The following PRDM15 variants were observed in gnomAD, a reference collection of about 807,000 sequenced individuals.
PRDM15 encodes the protein PR domain zinc finger protein 15.
A neutral mutation model predicts 128.6 loss-of-function variants in PRDM15; 64 were observed. The observed-to-expected ratio is 0.50, with a 90% confidence interval of 0.41 to 0.61. The LOEUF (loss-of-function observed/expected upper bound fraction) is 0.61, where lower values mean the gene tolerates loss of function less well. Among genes scored for constraint, PRDM15 ranks in the 20% least tolerant of loss-of-function variants. PRDM15 has a pLI of 0.00. For missense variants in PRDM15, 1,242 were observed against 1,569.1 expected (o/e 0.79, Z 3.52); for synonymous variants, 615 against 621.8 (o/e 0.99, Z 0.16).
chr21:41,839,398 A>G (rs1275468810), intron 7 of PRDM15, among the ~76,000 whole-genome samples: 1 of 152,244 alleles, frequency 6.6e-6, no homozygotes, highest in African/African-American at 2.4e-5. Context: ...TCCATTTGTC[A>G]AAATTCACAC....
rs1349718881 is a variant in PRDM15 at position 41,879,058 on chromosome 21, G to C, written c.-10+212C>G. On this transcript the variant is annotated intron_variant, in intron 1 of 23. Coordinates refer to ENST00000398548, the MANE Select transcript of PRDM15 (RefSeq NM_001040424.3). The surrounding 1 kb of genome is among the most constrained non-coding windows in gnomAD (Gnocchi z 5.1). ...GCTCCGGGAAATCCAGCCGGGTTTT[G>C]ACTCCGATCGCCAACGGTGCCCGCA... 9 of 1,133,610 alleles carry C rather than the reference G, an allele frequency of 7.9e-6. No individual in the cohort carries two copies. Among genetic ancestry groups the C allele is most frequent in the Non-Finnish European group, 8.9e-6 (8 of 899,046 alleles). The allele number at this position is 1,133,610 out of a possible 1,614,324, so 70.2% of individuals were successfully genotyped here.
chr21:41,835,649 C>G, intron 10 of PRDM15, 125 bp from the exon 11 acceptor site: 1 of 697,780 alleles, frequency 1.4e-6, no homozygotes, highest in Non-Finnish European at 2.5e-6. Context: ...CCACCACCCT[C>G]CCGCTCTATT....
At chr21:41,822,260 G>A (rs554455790) in intron 14 of PRDM15, among the ~76,000 whole-genome samples, 158 of 152,336 alleles carry the variant, frequency 1.0e-3, no homozygotes, top group Non-Finnish European at 2.0e-3. Flanking sequence ...CACGCCGCCC[G>A]CGGCTTCCTC....
At chr21:41,836,442 G>GC in intron 9 of PRDM15, 26 bp downstream of exon 9, 1 of 1,596,914 alleles carries the variant, frequency 6.3e-7, no homozygotes, top group African/African-American at 1.3e-5. Flanking sequence ...CTGGCCCCGG[G>GC]CGCCAGCCGG....
chr21:41,806,037 C>CATT (rs2061569244), intron 21 of PRDM15, among the ~76,000 whole-genome samples: 1 of 125,202 alleles, frequency 8.0e-6, no homozygotes, highest in Non-Finnish European at 1.7e-5. Flanking sequence ...CCACCATCAC[C>CATT]ACCACCATCA....
Position 41,811,373 on chromosome 21 carries a change from C to T in PRDM15, c.2393-537G>A, listed in dbSNP as rs2146281257. The T allele has an allele frequency of 6.4e-6, 1 of 155,358 alleles. No homozygotes were observed. The highest frequency in any genetic ancestry group is 1.4e-5 in the Non-Finnish European group (1 of 69,898). The allele number at this position is 155,358 out of a possible 1,614,324, so 9.6% of individuals were successfully genotyped here. A position where few individuals can be genotyped will look rare whatever the true frequency, so the allele number is the denominator to read the frequency against. ...TGATGCCAGGCACGGTGGCTCATGCCTGTGATCCCAGCACTTTGGGAGGCC... is the reference window on the plus strand; with the variant it reads ...TGATGCCAGGCACGGTGGCTCATGCTTGTGATCCCAGCACTTTGGGAGGCC... On this transcript the variant is annotated intron_variant, in intron 19 of 23. Transcript: ENST00000398548. The surrounding 1 kb of genome is among the most constrained non-coding windows in gnomAD (Gnocchi z 4.1).
chr21:41,873,300 T>G (rs184970056), intron 1 of PRDM15, among the ~76,000 whole-genome samples: 3 of 152,318 alleles, frequency 2.0e-5, no homozygotes, highest in Admixed American at 2.0e-4. Flanking sequence ...GTATATCTTG[T>G]GGGAGGATTT....
intron 21 of PRDM15, among the ~76,000 whole-genome samples, chr21:41,805,727 C>A (rs921447647): frequency 4.6e-5 from 7 of 151,794 alleles, no homozygotes; most frequent in African/African-American, 1.7e-4. Context: ...CCATAAGCAC[C>A]ACCACCACCA....
At chr21:41,804,487 C>T (rs1445197513) in intron 22 of PRDM15, 47 bp downstream of exon 22, 2 of 1,429,000 alleles carry the variant, frequency 1.4e-6, no homozygotes, top group African/African-American at 2.8e-5. Context: ...CTGCAGGTGT[C>T]CACTTACCCC....
intron 12 of PRDM15, 72 bp from the exon 13 acceptor site, chr21:41,826,126 T>A: frequency 7.9e-7 from 1 of 1,262,044 alleles, no homozygotes; most frequent in Non-Finnish European, 1.2e-6. Context: ...AGATTCCACT[T>A]CAGCCAGCAT....
At chr21:41,856,080 TTCCCTCCCTCCCCTCCCTCCC>T in intron 4 of PRDM15, among the ~76,000 whole-genome samples, 1 of 13,236 alleles carries the variant, frequency 7.6e-5, no homozygotes, top group Non-Finnish European at 1.3e-4. Context: ...CCTCCCTTCC[TTCCCTCCCTCCCCTCCCTCCC>T]TTCCTTTCCT....
At chr21:41,873,661 C>T (rs1325232439) in intron 1 of PRDM15, among the ~76,000 whole-genome samples, 1 of 152,166 alleles carries the variant, frequency 6.6e-6, no homozygotes, top group Non-Finnish European at 1.5e-5. Flanking sequence ...TTCTGAACCT[C>T]TTAGTTTCAT....
Position 41,879,182 on chromosome 21 carries a change from G to T in PRDM15, c.-10+88C>A. 1.2e-6 allele frequency: 1 copy of T among 833,472 alleles called. No homozygotes were observed. The highest frequency in any genetic ancestry group is 1.4e-6 in the Non-Finnish European group (1 of 692,388). 51.6% of individuals were successfully genotyped at this position (833,472 alleles called of 1,614,324 possible). On this transcript the variant is annotated intron_variant, in intron 1 of 23. Coordinates refer to ENST00000398548, the MANE Select transcript of PRDM15 (RefSeq NM_001040424.3). The surrounding 1 kb of genome is among the most constrained non-coding windows in gnomAD (Gnocchi z 5.1). ...GCGGGGGGCAGCGGGCCCAGGGCGC[G>T]CCGGGGCTCGCGGGGGCAGCGGGTG...
intron 13 of PRDM15, among the ~76,000 whole-genome samples, chr21:41,824,837 A>C (rs556004142): frequency 9.8e-4 from 150 of 152,366 alleles, no homozygotes; most frequent in African/African-American, 3.6e-3. Context: ...ATTTCATATA[A>C]ACACTGAGAT....
At position 41,833,302 on chromosome 21, in the gene PRDM15, T is replaced by C. The variant is rs186088449; in HGVS notation, c.1366+2135A>G. Among the ~76,000 whole-genome samples the C allele has an allele frequency of 2.5e-3, 378 of 152,164 alleles. 1 individual carries two copies. Among genetic ancestry groups the C allele is most frequent in the Middle Eastern group, 6.8e-3 (2 of 294 alleles). Reference sequence around the variant, plus strand: ...GGAGCTTCAGAAAAACCCACAAGACTGTAACATTTTAAAACTGCCCCCCAC... The same window carrying C: ...GGAGCTTCAGAAAAACCCACAAGACCGTAACATTTTAAAACTGCCCCCCAC... On this transcript the variant is annotated intron_variant, in intron 11 of 23. Transcript: ENST00000398548.
intron 10 of PRDM15, 43 bp downstream of exon 10, chr21:41,836,070 T>G: frequency 7.2e-7 from 1 of 1,383,574 alleles, no homozygotes; most frequent in Non-Finnish European, 1.0e-6. Context: ...GTCTGTGTTG[T>G]CCACACAACT....
At chr21:41,837,311 C>A (rs1262862857) in intron 8 of PRDM15, among the ~76,000 whole-genome samples, 3 of 152,226 alleles carry the variant, frequency 2.0e-5, no homozygotes, top group Non-Finnish European at 4.4e-5. Context: ...AGCAACCCAA[C>A]TGTCCATCAA....
chr21:41,862,081 G>T lies in PRDM15; in HGVS notation c.-9-1709C>A. 1.8e-6 allele frequency: 2 copies of T among 1,085,258 alleles called. No homozygotes were observed. Among genetic ancestry groups the T allele is most frequent in the South Asian group, 1.3e-5 (1 of 76,286 alleles). The allele number at this position is 1,085,258 out of a possible 1,614,324, so 67.2% of individuals were successfully genotyped here. ...CTCAGCTGGGCAGTGAGCAGGAGAT[G>T]AACAGGACAAAGGGCAGAAGAAACC... is the stretch of plus-strand genomic sequence containing the variant. On this transcript the variant is annotated intron_variant, in intron 1 of 23. Transcript: ENST00000398548. This position sits in a 1 kb window ranked among gnomAD's most constrained non-coding sequence, Gnocchi z 4.1.
intron 1 of PRDM15, chr21:41,878,962 G>A: frequency 1.0e-6 from 1 of 978,404 alleles, no homozygotes; most frequent in Non-Finnish European, 1.2e-6. Context: ...ACGGGGGCGC[G>A]GAGCCCGGCC....
Sources: allele counts gnomAD v4.1 joint callset (sites outside exome capture counted in the v4.1 genomes callset), GRCh38; gene constraint gnomAD v4.1.1; non-coding constraint Gnocchi (gnomAD v3.1); transcripts MANE v1.5; gene names NCBI Gene and HGNC (gene_info 2026-07-23, HGNC 2026-07-21).